Variants in VLDLR observed in about 807,000 individuals in gnomAD.
VLDLR encodes the protein very low-density lipoprotein receptor.
Under a neutral mutation model 112.7 loss-of-function variants are expected in VLDLR, and 81 were observed. The ratio of observed to expected loss-of-function variants is 0.72; its 90% CI spans 0.60 to 0.86. The LOEUF (loss-of-function observed/expected upper bound fraction) is 0.86, where lower values mean the gene tolerates loss of function less well. Ranked by LOEUF, VLDLR falls within the 40% of genes least tolerant of loss-of-function variation. VLDLR has a pLI of 0.00. For synonymous variants in VLDLR, 436 were observed against 384.8 expected, an observed-to-expected ratio of 1.13 and a Z score of -1.56; for missense variants, 1,237 against 1,099.4, an observed-to-expected ratio of 1.13 and a Z score of -1.77.
chr9:2,635,970 AG>A (rs1262135264), intron 2 of VLDLR, among the ~76,000 whole-genome samples: 22 of 152,204 alleles, frequency 1.4e-4, no homozygotes, highest in Non-Finnish European at 2.9e-4. Flanking sequence ...ATAAAGTTTC[AG>A]GGGGTTAATT....
At chr9:2,623,259 C>A (rs989105506) in intron 1 of VLDLR, among the ~76,000 whole-genome samples, 1 of 152,228 alleles carries the variant, frequency 6.6e-6, no homozygotes, top group Non-Finnish European at 1.5e-5. Flanking sequence ...CAGCCACGTT[C>A]CCACTTGGGG....
In VLDLR at chr9:2,650,487, A is replaced by G. The variant is rs371150001; in HGVS notation, c.2222A>G (p.Asn741Ser). 37 of 1,613,994 alleles carry G rather than the reference A, an allele frequency of 2.3e-5. No individual in the cohort carries two copies. Among genetic ancestry groups the G allele is most frequent in the Middle Eastern group, 1.7e-4 (1 of 6,060 alleles). The change falls in exon 15 of 19, where the codon AAT becomes AGT. Residue 741 changes from asparagine (N) to serine (S), a missense_variant. Coordinates refer to ENST00000382100, the MANE Select transcript of VLDLR (RefSeq NM_003383.5). Reference protein sequence around the residue: ...KYTCSCPSGYNVEENGRDCQS... With the variant: ...KYTCSCPSGYSVEENGRDCQS... Reference sequence around the variant, plus strand: ...ACCTGTTCCTGTCCCAGTGGGTACAATGTAGAGGAAAATGGCCGAGACTGT... The same window carrying G: ...ACCTGTTCCTGTCCCAGTGGGTACAGTGTAGAGGAAAATGGCCGAGACTGT...
intron 1 of VLDLR, among the ~76,000 whole-genome samples, chr9:2,627,723 G>C (rs1279141674): frequency 6.6e-6 from 1 of 151,954 alleles, no homozygotes; most frequent in Non-Finnish European, 1.5e-5. Flanking sequence ...AAATTAGCTG[G>C]GTGTGGTGGT....
rs1586667343 is a variant in VLDLR, at chr9:2,659,083, C to T, written c.*5215C>T. On this transcript the variant is annotated 3_prime_UTR_variant, in exon 19 of 19. Coordinates refer to ENST00000382100, the MANE Select transcript of VLDLR (RefSeq NM_003383.5). ...ATGGCTGCCAAAGCACTTAAAATCT[C>T]CTTTAAATTCTTACCATATGCTTAC... The T allele has an allele frequency of 6.6e-6, 1 of 152,184 alleles. No homozygotes were observed. Among genetic ancestry groups the T allele is most frequent in the Non-Finnish European group, 1.5e-5 (1 of 68,040 alleles). 9.4% of individuals were successfully genotyped at this position (152,184 alleles called of 1,614,324 possible).
chr9:2,645,761 T>C lies in VLDLR; in HGVS notation c.1484+16T>C. ...CTATCTTCAGGTAACTTTCAGTTCCTTTTGTGGTGTCTTGACATAAGTCAT... is the reference window on the plus strand; with the variant it reads ...CTATCTTCAGGTAACTTTCAGTTCCCTTTGTGGTGTCTTGACATAAGTCAT... On this transcript the variant is annotated intron_variant, in intron 10 of 18. Transcript: ENST00000382100. The C allele has an allele frequency of 6.2e-7, 1 of 1,614,050 alleles. No individual in the cohort carries two copies. The highest frequency in any genetic ancestry group is 8.5e-7 in the Non-Finnish European group (1 of 1,179,988).
chr9:2,651,380 T>C, intron 15 of VLDLR, 35 bp from the exon 16 acceptor site: 1 of 1,587,328 alleles, frequency 6.3e-7, no homozygotes, highest in East Asian at 2.2e-5. Flanking sequence ...GCTGGAACCC[T>C]GGCATTAACC....
chr9:2,644,029 G>A, intron 7 of VLDLR, 70 bp downstream of exon 7: 2 of 1,610,204 alleles, frequency 1.2e-6, no homozygotes, highest in Non-Finnish European at 1.7e-6. Flanking sequence ...AACACTGTGT[G>A]GACCCCCCGT....
At chr9:2,642,353 G>A (rs1270994116) in intron 4 of VLDLR, among the ~76,000 whole-genome samples, 5 of 152,158 alleles carry the variant, frequency 3.3e-5, no homozygotes, top group African/African-American at 2.4e-5. Context: ...GTCGCCTCCT[G>A]AGGTCAATAC....
intron 1 of VLDLR, among the ~76,000 whole-genome samples, chr9:2,622,567 T>G (rs1439550654): frequency 6.6e-6 from 1 of 152,224 alleles, no homozygotes; most frequent in Non-Finnish European, 1.5e-5. Flanking sequence ...CTCGCCCTCT[T>G]GACGGGCGCC....
At position 2,639,876 on chromosome 9, in the gene VLDLR, G is replaced by A; in HGVS notation, c.220G>A (p.Glu74Lys). ...EKNCVKKTCA[E>K]SDFVCNNGQC... ...GTTTGTAGTAAAGAAGACGTGTGCT[G>A]AATCTGACTTCGTGTGCAACAATGG... The change falls in exon 3 of 19, where the codon GAA becomes AAA. Residue 74 changes from glutamate (E) to lysine (K), a missense_variant. Coordinates refer to ENST00000382100, the MANE Select transcript of VLDLR (RefSeq NM_003383.5). The A allele has an allele frequency of 6.2e-7, 1 of 1,614,110 alleles. No individual in the cohort carries two copies. Among genetic ancestry groups the A allele is most frequent in the Non-Finnish European group, 8.5e-7 (1 of 1,180,012 alleles).
At chr9:2,627,271 A>T (rs1251293620) in intron 1 of VLDLR, among the ~76,000 whole-genome samples, 1 of 152,254 alleles carries the variant, frequency 6.6e-6, no homozygotes, top group Non-Finnish European at 1.5e-5. Flanking sequence ...TAAAATTACC[A>T]AGAACTTAGA....
At position 2,622,934 on chromosome 9, in the gene VLDLR, G is replaced by C. The variant is rs144764597; in HGVS notation, c.82+663G>C. 5.0e-3 allele frequency among the ~76,000 whole-genome samples: 764 copies of C among 152,304 alleles called. 9 individuals carry two copies. The highest frequency in any genetic ancestry group is 0.017 in the African/African-American group (718 of 41,582). On this transcript the variant is annotated intron_variant, in intron 1 of 18. Coordinates refer to ENST00000382100, the MANE Select transcript of VLDLR (RefSeq NM_003383.5). ...GGGCTTTACGCAGGACTCTGCTCTG[G>C]GCGCTTCTCCTCTCCCTTTTCCCCG...
chr9:2,650,513 C>CA lies in VLDLR; in HGVS notation c.2251dup (p.Ser751LysfsTer10). The CA allele has an allele frequency of 6.2e-7, 1 of 1,613,328 alleles. No individual in the cohort carries two copies. Among genetic ancestry groups the CA allele is most frequent in the Non-Finnish European group, 8.5e-7 (1 of 1,179,946 alleles). Reference sequence around the variant, plus strand: ...TGTAGAGGAAAATGGCCGAGACTGTCAAAGTAAGGCATTTTGTGTTTCAAC... The same window carrying CA: ...TGTAGAGGAAAATGGCCGAGACTGTCAAAAGTAAGGCATTTTGTGTTTCAAC... On this transcript the variant is annotated frameshift_variant, in exon 15 of 19. Coordinates refer to ENST00000382100, the MANE Select transcript of VLDLR (RefSeq NM_003383.5). LOFTEE classifies it high-confidence loss of function.
intron 2 of VLDLR, 87 bp from the exon 3 acceptor site, chr9:2,639,771 CA>C: frequency 6.2e-7 from 1 of 1,604,484 alleles, no homozygotes; most frequent in Non-Finnish European, 8.5e-7. Flanking sequence ...TAGAGCAAAA[CA>C]TGCCAAAATG....
At position 2,646,530 on chromosome 9, in the gene VLDLR, A is replaced by G. The variant is rs35724190; in HGVS notation, c.1681A>G (p.Ile561Val). The change falls in exon 11 of 19, where the codon ATA becomes GTA. Residue 561 changes from isoleucine (I) to valine (V), a missense_variant. Physicochemically the swap from Ile to Val is conservative, Grantham distance 29 (BLOSUM62 3). Coordinates refer to ENST00000382100, the MANE Select transcript of VLDLR (RefSeq NM_003383.5). ...FNSDLREPAS[I>V]AVDPLSGFVY... is the part of the protein sequence containing the mutation. ...CTCTGACTTGCGAGAGCCTGCCTCCATAGCTGTGGACCCACTGTCTGGGTT... is the reference window on the plus strand; with the variant it reads ...CTCTGACTTGCGAGAGCCTGCCTCCGTAGCTGTGGACCCACTGTCTGGGTT... 6 of 1,614,158 alleles carry G rather than the reference A, an allele frequency of 3.7e-6. No homozygotes were observed. The highest frequency in any genetic ancestry group is 5.1e-6 in the Non-Finnish European group (6 of 1,180,006).
At chr9:2,628,275 T>G (rs1435908684) in intron 1 of VLDLR, among the ~76,000 whole-genome samples, 1 of 152,100 alleles carries the variant, frequency 6.6e-6, no homozygotes, top group Admixed American at 6.5e-5. Context: ...AGACCATACC[T>G]AGTTTTTCCA....
chr9:2,632,411 G>C (rs1360438805), intron 1 of VLDLR, among the ~76,000 whole-genome samples: 1 of 152,100 alleles, frequency 6.6e-6, no homozygotes, highest in Non-Finnish European at 1.5e-5. Context: ...CTACTTCCAA[G>C]GTATTTTTTG....
chr9:2,634,989 C>G (rs1477255631), intron 1 of VLDLR, among the ~76,000 whole-genome samples: 1 of 152,156 alleles, frequency 6.6e-6, no homozygotes, highest in Non-Finnish European at 1.5e-5. Flanking sequence ...AGAAATGAGT[C>G]CACAGGCAGA....
chr9:2,643,700 A>G lies in VLDLR; in HGVS notation c.893A>G (p.Asn298Ser), dbSNP rs1218654037. Residue 298 changes from asparagine (N) to serine (S), a missense_variant, in exon 6 of 19, where the codon AAT becomes AGT. By Grantham distance (46) the Asn-to-Ser change is conservative. Transcript: ENST00000382100. The stretch of plus-strand genomic sequence containing the variant: ...TGCATCCATGGCAGCAGGCAGTGTA[A>G]TGGTATCCGAGACTGTGTCGATGGT... ...GSCIHGSRQC[N>S]GIRDCVDGSD... The G allele has an allele frequency of 1.2e-6, 2 of 1,614,196 alleles. No homozygotes were observed. The highest frequency in any genetic ancestry group is 4.5e-5 in the East Asian group (2 of 44,880).
Sources: allele counts gnomAD v4.1 joint callset (sites outside exome capture counted in the v4.1 genomes callset), GRCh38; gene constraint gnomAD v4.1.1; transcripts MANE v1.5; gene names NCBI Gene and HGNC (gene_info 2026-07-23, HGNC 2026-07-21).